CFAP52: variants seen among roughly 807,000 people sequenced by gnomAD.
The protein encoded by CFAP52 is cilia- and flagella-associated protein 52.
In CFAP52, 57 loss-of-function variants were observed where a neutral mutation model predicts 70.5. The ratio of observed to expected loss-of-function variants is 0.81; its 90% CI spans 0.65 to 1.01. CFAP52 has a LOEUF of 1.01. CFAP52 is among the 50% of genes least tolerant of loss of function. The pLI is 0.00. For missense variants in CFAP52, 785 were observed against 788.5 expected (o/e 1.00, Z 0.05); for synonymous variants, 267 against 292.5 (o/e 0.91, Z 0.89).
chr17:9,612,234 C>G, intron 7 of CFAP52, 75 bp from the exon 8 acceptor site: 1 of 1,539,506 alleles, frequency 6.5e-7, no homozygotes, highest in South Asian at 1.2e-5. Context: ...TTTGTATCCT[C>G]TGCCATGCTT....
chr17:9,641,666 G>T, intron 12 of CFAP52, 58 bp from the exon 13 acceptor site: 2 of 1,261,024 alleles, frequency 1.6e-6, no homozygotes, highest in Non-Finnish European at 1.2e-6. Context: ...TTGTTAGCAT[G>T]TGCATGGATG....
intron 5 of CFAP52, among the ~76,000 whole-genome samples, 175 bp from the exon 6 acceptor site, chr17:9,599,892 C>T (rs1909187275): frequency 6.6e-6 from 1 of 152,092 alleles, no homozygotes. Context: ...TAGGCATGCA[C>T]CACGACACCC....
chr17:9,637,872 G>A lies in CFAP52; in HGVS notation c.1473-737G>A, dbSNP rs893797635. The stretch of plus-strand genomic sequence containing the variant: ...ATTGTAGGCGTGAGCTGCTGCACTC[G>A]GCCCATAATACCCATTTTAAAAATA... On this transcript the variant is annotated intron_variant, in intron 11 of 13. Transcript: ENST00000352665. 9.2e-5 allele frequency among the ~76,000 whole-genome samples: 14 copies of A among 152,254 alleles called. No homozygotes were observed. The South Asian group carries it at 2.1e-3, about 23-fold the overall frequency.
intron 6 of CFAP52, among the ~76,000 whole-genome samples, 163 bp from the exon 7 acceptor site, chr17:9,607,956 T>G (rs1909561020): frequency 6.6e-6 from 1 of 152,132 alleles, no homozygotes; most frequent in Admixed American, 6.5e-5. Flanking sequence ...CCATCTTTAA[T>G]TCATCTTTCA....
In CFAP52 at chr17:9,612,306, A is replaced by C. The variant is rs776337185; in HGVS notation, c.855-3A>C. On this transcript the variant is annotated splice_region_variant and splice_polypyrimidine_tract_variant and intron_variant, in intron 7 of 13. Transcript: ENST00000352665. ...TACTTTACTTTTGTGCTTCTCCCTA[A>C]AGGAAGATTCAGTTACAAGGCGGCA... 6.2e-7 allele frequency: 1 copy of C among 1,613,684 alleles called. No homozygotes were observed. The highest frequency in any genetic ancestry group is 1.1e-5 in the South Asian group (1 of 91,022).
chr17:9,587,227 C>T (rs1908537398), intron 3 of CFAP52, among the ~76,000 whole-genome samples: 1 of 152,188 alleles, frequency 6.6e-6, no homozygotes, highest in Admixed American at 6.5e-5. Context: ...GCGTAGTAGT[C>T]CATGATGTAT....
chr17:9,643,462 T>A, downstream of CFAP52: 1 of 311,162 alleles, frequency 3.2e-6, no homozygotes, highest in Non-Finnish European at 5.8e-6. Context: ...TGTTATAATT[T>A]GTTTTCTGCA....
chr17:9,608,633 C>T (rs761277371), intron 7 of CFAP52, among the ~76,000 whole-genome samples: 1 of 152,138 alleles, frequency 6.6e-6, no homozygotes, highest in Non-Finnish European at 1.5e-5. Context: ...GTTAATCATG[C>T]ATTTGAATAC....
chr17:9,644,149 A>G (rs754338575), downstream of CFAP52, among the ~76,000 whole-genome samples: 1 of 151,776 alleles, frequency 6.6e-6, no homozygotes, highest in East Asian at 1.9e-4. Context: ...TCTTGTCGCA[A>G]TTTAGCTCTT....
intron 8 of CFAP52, among the ~76,000 whole-genome samples, chr17:9,624,217 C>T (rs1910156068): frequency 6.6e-6 from 1 of 151,990 alleles, no homozygotes; most frequent in African/African-American, 2.4e-5. Flanking sequence ...CTGATATTTT[C>T]CACCAAATTG....
chr17:9,586,160 C>A (rs1022262553), intron 2 of CFAP52, among the ~76,000 whole-genome samples, 188 bp downstream of exon 2: 1 of 152,028 alleles, frequency 6.6e-6, no homozygotes, highest in Non-Finnish European at 1.5e-5. Flanking sequence ...TGATTTTATA[C>A]CCGAGGTTGC....
intron 6 of CFAP52, among the ~76,000 whole-genome samples, chr17:9,604,170 C>T (rs911154808): frequency 4.6e-5 from 7 of 152,110 alleles, no homozygotes; most frequent in African/African-American, 1.4e-4. Context: ...GGATTACAGA[C>T]CTAAAACACA....
At chr17:9,606,987 T>C (rs540414055) in intron 6 of CFAP52, among the ~76,000 whole-genome samples, 1 of 152,350 alleles carries the variant, frequency 6.6e-6, no homozygotes, top group Non-Finnish European at 1.5e-5. Flanking sequence ...ATATTTGTTT[T>C]ATCATATTCA....
chr17:9,585,966 G>T lies in CFAP52; in HGVS notation c.264G>T (p.Gly88=), dbSNP rs971644606. Reference sequence around the variant, plus strand: ...CCTCCGGACAAGTCACATTCATGGGGTTCAAGGTGAATACAGTGAAAACGA... The same window carrying T: ...CCTCCGGACAAGTCACATTCATGGGTTTCAAGGTGAATACAGTGAAAACGA... ...YIASGQVTFM[G]FKADIILWDY... Residue 88 remains glycine (G), a synonymous_variant, in exon 2 of 14, where the codon GGG becomes GGT. Coordinates refer to ENST00000352665, the MANE Select transcript of CFAP52 (RefSeq NM_145054.5). The T allele has an allele frequency of 7.5e-6, 12 of 1,604,034 alleles. No homozygotes were observed. Among genetic ancestry groups the T allele is most frequent in the African/African-American group, 4.0e-5 (3 of 74,428 alleles).
chr17:9,577,762 C>T (rs1908030802), intron 1 of CFAP52, among the ~76,000 whole-genome samples: 1 of 152,142 alleles, frequency 6.6e-6, no homozygotes. Context: ...TGCATAATGT[C>T]ACTTGTTGAG....
chr17:9,585,826 C>G lies in CFAP52; in HGVS notation c.124C>G (p.Pro42Ala), dbSNP rs1355652448. Residue 42 changes from proline to alanine, a missense_variant, in exon 2 of 14, where the codon CCT becomes GCT. Coordinates refer to ENST00000352665, the MANE Select transcript of CFAP52 (RefSeq NM_145054.5). ...TCCTGACCAGGAGCATATGATTTAT[C>G]CTCTTGGTTGCACAGTCCTCATTCA... ...CHPDQEHMIY[P>A]LGCTVLIQAI... 1 of 1,613,946 alleles carries G rather than the reference C, an allele frequency of 6.2e-7. No homozygotes were observed. The highest frequency in any genetic ancestry group is 1.3e-5 in the African/African-American group (1 of 74,874).
chr17:9,637,227 A>T (rs578214036), intron 11 of CFAP52, among the ~76,000 whole-genome samples: 2 of 152,304 alleles, frequency 1.3e-5, no homozygotes, highest in East Asian at 3.9e-4. Context: ...TGGTTCAAGG[A>T]CCACACTTGT....
rs142265555 is a variant in CFAP52 at position 9,602,546 on chromosome 17, T to C, written c.753+2363T>C. On this transcript the variant is annotated intron_variant, in intron 6 of 13. Transcript: ENST00000352665. ...TATCATTGATGGACATTTGGGTTGG[T>C]TCCAAGTCTTTGCTATTGTGAATAG... 3.5e-3 allele frequency among the ~76,000 whole-genome samples: 527 copies of C among 152,336 alleles called. 2 individuals are homozygous for C. The highest frequency in any genetic ancestry group is 0.012 in the African/African-American group (509 of 41,578).
rs780962898 is a variant in CFAP52 at position 9,636,233 on chromosome 17, AAGAAAGAAAGAAAGAAAGAG to A, written c.1472+679_1472+698del. ...AAAGAAAGAAAGAAAGAAAGAAAGAAAGAAAGAAAGAAAGAAAGAGAAAGAAAAATAACTAATGCAGGCAG... is the reference window on the plus strand; with the variant it reads ...AAAGAAAGAAAGAAAGAAAGAAAGAAAAAGAAAAATAACTAATGCAGGCAG... On this transcript the variant is annotated intron_variant, in intron 11 of 13. Transcript: ENST00000352665. Among the ~76,000 whole-genome samples the A allele has an allele frequency of 5.3e-3, 784 of 148,906 alleles. 39 individuals carry two copies. Among genetic ancestry groups the A allele is most frequent in the South Asian group, 0.028 (128 of 4,546 alleles).
Sources: gnomAD v4.1 joint callset for allele counts (sites outside exome capture counted in the v4.1 genomes callset) on GRCh38, gnomAD v4.1.1 for gene constraint, MANE v1.5 for transcripts, NCBI Gene and HGNC (gene_info 2026-07-23, HGNC 2026-07-21) for gene names.